GARRE1: variants seen among roughly 807,000 people sequenced by gnomAD.
GARRE1 encodes the protein granule associated Rac and RHOG effector protein 1.
GARRE1 carries 49 observed loss-of-function variants against 103.2 expected under a neutral mutation model. That is an observed-to-expected ratio of 0.47 (90% CI 0.38 to 0.60). The LOEUF is 0.60. Among genes scored for constraint, GARRE1 ranks in the 20% least tolerant of loss-of-function variants. The pLI is 0.00. For synonymous variants in GARRE1, 505 were observed against 532.8 expected (o/e 0.95, Z 0.72); for missense variants, 1,199 against 1,370.5 (o/e 0.87, Z 1.98).
At chr19:34,277,901 A>ACCCCCCCCCC (rs57721089) in intron 1 of GARRE1, among the ~76,000 whole-genome samples, 2 of 93,744 alleles carry the variant, frequency 2.1e-5, no homozygotes, top group Non-Finnish European at 4.4e-5. Flanking sequence ...GCTTGATTTC[A>ACCCCCCCCCC]CCCCCCCCCC....
intron 2 of GARRE1, among the ~76,000 whole-genome samples, chr19:34,318,392 C>T (rs2074069607): frequency 6.6e-6 from 1 of 152,202 alleles, no homozygotes; most frequent in South Asian, 2.1e-4. Context: ...ATTTTGGTTC[C>T]TTGTAAAAAG....
intron 7 of GARRE1, among the ~76,000 whole-genome samples, chr19:34,330,616 A>C (rs1046762959): frequency 6.6e-5 from 10 of 151,708 alleles, no homozygotes; most frequent in African/African-American, 2.4e-4. Context: ...GAAAAAAACC[A>C]TTACAGTCTG....
In GARRE1 at chr19:34,353,258, C is replaced by T; in HGVS notation, c.*303C>T. Reference sequence around the variant, plus strand: ...ACAGGTGACTCTGATGCAGGCGCCACAGCCACACTTGAAGAAACACAGCTC... The same window carrying T: ...ACAGGTGACTCTGATGCAGGCGCCATAGCCACACTTGAAGAAACACAGCTC... On this transcript the variant is annotated 3_prime_UTR_variant, in exon 14 of 14. Coordinates refer to ENST00000299505, the MANE Select transcript of GARRE1 (RefSeq NM_014686.5). 7.3e-6 allele frequency: 3 copies of T among 412,704 alleles called. No individual in the cohort carries two copies. Among genetic ancestry groups the T allele is most frequent in the Non-Finnish European group, 1.3e-5 (3 of 231,344 alleles). 25.6% of individuals were successfully genotyped at this position (412,704 alleles called of 1,614,324 possible).
chr19:34,293,715 A>AACACACACACACACACAT (rs2073930476), intron 1 of GARRE1, among the ~76,000 whole-genome samples: 2 of 100,472 alleles, frequency 2.0e-5, no homozygotes, highest in Non-Finnish European at 3.5e-5. Context: ...TAAACATATA[A>AACACACACACACACACAT]ACACACACAC....
chr19:34,282,540 T>C (rs750607402), intron 1 of GARRE1, among the ~76,000 whole-genome samples: 8 of 152,238 alleles, frequency 5.3e-5, no homozygotes, highest in African/African-American at 7.2e-5. Flanking sequence ...ACCTAAAATA[T>C]GTATTTCTTC....
chr19:34,330,328 T>C lies in GARRE1; in HGVS notation c.1244T>C (p.Leu415Pro). 1 of 1,614,190 alleles carries C rather than the reference T, an allele frequency of 6.2e-7. No individual in the cohort carries two copies. Among genetic ancestry groups the C allele is most frequent in the Non-Finnish European group, 8.5e-7 (1 of 1,180,032 alleles). Residue 415 changes from leucine to proline, a missense_variant, in exon 7 of 14, where the codon CTG becomes CCG. By Grantham distance (98) the Leu-to-Pro change is moderately conservative (BLOSUM62 -3). Transcript: ENST00000299505. ...GCCTGCAAGACGGCGGTGCAGCTGCTGTTTGGCCAGGCTGGACTGGTGAGT... is the reference window on the plus strand; with the variant it reads ...GCCTGCAAGACGGCGGTGCAGCTGCCGTTTGGCCAGGCTGGACTGGTGAGT... Reference protein sequence around the residue: ...RGACKTAVQLLFGQAGLVVVD... With the variant: ...RGACKTAVQLPFGQAGLVVVD...
intron 2 of GARRE1, among the ~76,000 whole-genome samples, chr19:34,317,436 C>T (rs1457637161): frequency 1.3e-5 from 2 of 152,204 alleles, no homozygotes; most frequent in Non-Finnish European, 2.9e-5. Context: ...TTTCCTCCTC[C>T]TCCAGCTTCC....
chr19:34,256,978 G>A (rs1345381652), intron 1 of GARRE1, among the ~76,000 whole-genome samples: 2 of 151,966 alleles, frequency 1.3e-5, no homozygotes, highest in African/African-American at 4.8e-5. Context: ...GAAGAGTTCA[G>A]GTTTGTTGTG....
chr19:34,263,564 G>A (rs1299078926), intron 1 of GARRE1, among the ~76,000 whole-genome samples: 3 of 150,480 alleles, frequency 2.0e-5, no homozygotes, highest in Admixed American at 6.7e-5. Context: ...TGCAACCTCC[G>A]CCTCCTGGGT....
At chr19:34,333,633 A>G (rs1172199990) in intron 7 of GARRE1, 71 bp from the exon 8 acceptor site, 2 of 902,452 alleles carry the variant, frequency 2.2e-6, no homozygotes, top group Non-Finnish European at 1.7e-6. Context: ...TATGTATTGG[A>G]TTTTATTCTG....
chr19:34,298,582 C>T (rs1202999261), intron 1 of GARRE1, among the ~76,000 whole-genome samples: 1 of 151,670 alleles, frequency 6.6e-6, no homozygotes, highest in Non-Finnish European at 1.5e-5. Context: ...GCATGGTGGG[C>T]GCTTGTAATC....
At chr19:34,265,476 C>T (rs1261872933) in intron 1 of GARRE1, 1 of 152,234 alleles carries the variant, frequency 6.6e-6, no homozygotes, top group Non-Finnish European at 1.5e-5. Flanking sequence ...CCTTCTGTTC[C>T]TGCCTTTGGC....
intron 2 of GARRE1, among the ~76,000 whole-genome samples, chr19:34,313,429 A>G (rs1271112667): frequency 6.6e-6 from 1 of 152,180 alleles, no homozygotes; most frequent in Non-Finnish European, 1.5e-5. Flanking sequence ...TGGTTACACC[A>G]CTTGGAACAC....
At chr19:34,333,159 G>C (rs1378247699) in intron 7 of GARRE1, among the ~76,000 whole-genome samples, 1 of 152,148 alleles carries the variant, frequency 6.6e-6, no homozygotes, top group Non-Finnish European at 1.5e-5. Flanking sequence ...CTATTCTCCT[G>C]CCTCAGCCTC....
chr19:34,348,058 T>G lies in GARRE1; in HGVS notation c.2687+16T>G, dbSNP rs1189401462. The stretch of plus-strand genomic sequence containing the variant: ...TCACAGAAGGGTGAGTGCTGGGTAC[T>G]TCAGGGAATCTGAGCTTGAGACCCA... On this transcript the variant is annotated intron_variant, in intron 11 of 13. Transcript: ENST00000299505. The G allele has an allele frequency of 7.1e-7, 1 of 1,401,754 alleles. No individual in the cohort carries two copies. Among genetic ancestry groups the G allele is most frequent in the African/African-American group, 1.5e-5 (1 of 67,666 alleles). The allele number at this position is 1,401,754 out of a possible 1,614,324, so 86.8% of individuals were successfully genotyped here.
chr19:34,307,672 TATATATAC>T (rs967879191), intron 2 of GARRE1, among the ~76,000 whole-genome samples: 1 of 50,694 alleles, frequency 2.0e-5, no homozygotes, highest in African/African-American at 3.6e-5. Flanking sequence ...CATATATACT[TATATATAC>T]ATATATACTT....
intron 1 of GARRE1, among the ~76,000 whole-genome samples, chr19:34,289,555 C>T (rs2073905611): frequency 6.6e-6 from 1 of 151,930 alleles, no homozygotes; most frequent in African/African-American, 2.4e-5. Context: ...GAAATCCCGT[C>T]TCCACTAAAT....
Position 34,330,287 on chromosome 19 carries a change from T to G in GARRE1, c.1203T>G (p.Pro401=). 6.2e-7 allele frequency: 1 copy of G among 1,614,224 alleles called. No homozygotes were observed. The highest frequency in any genetic ancestry group is 8.5e-7 in the Non-Finnish European group (1 of 1,180,040). The change falls in exon 7 of 14, where the codon CCT becomes CCG. Residue 401 remains proline, a synonymous_variant. Coordinates refer to ENST00000299505, the MANE Select transcript of GARRE1 (RefSeq NM_014686.5). ...PVTEVLNQVC[P]STWRGACKTA... Reference sequence around the variant, plus strand: ...CTGAAGTGCTGAACCAGGTTTGCCCTTCCACATGGCGAGGTGCCTGCAAGA... The same window carrying G: ...CTGAAGTGCTGAACCAGGTTTGCCCGTCCACATGGCGAGGTGCCTGCAAGA...
intron 2 of GARRE1, 42 bp downstream of exon 2, chr19:34,301,010 T>G (rs765523205): frequency 6.5e-7 from 1 of 1,546,970 alleles, no homozygotes; most frequent in Non-Finnish European, 8.7e-7. Context: ...GAAAATATAC[T>G]ACAAAGGTAA....
Sources: gnomAD v4.1 joint callset for allele counts (sites outside exome capture counted in the v4.1 genomes callset) on GRCh38, gnomAD v4.1.1 for gene constraint, MANE v1.5 for transcripts, NCBI Gene and HGNC (gene_info 2026-07-23, HGNC 2026-07-21) for gene names.